The following TOX3 variants were observed in gnomAD, a reference collection of about 807,000 sequenced individuals.
TOX3 encodes TOX high mobility group box family member 3, also known as CAG trinucleotide repeat-containing gene F9 protein.
TOX3 carries 22 observed loss-of-function variants against 64.3 expected under a neutral mutation model. The observed-to-expected ratio is 0.34, with a 90% CI of 0.24 to 0.49. TOX3 has a LOEUF of 0.49. TOX3 is among the 20% of genes least tolerant of loss of function. TOX3 has a pLI of 0.99. For missense variants in TOX3, 661 were observed against 714.4 expected (o/e 0.93, Z 0.85); for synonymous variants, 291 against 273.6 (o/e 1.06, Z -0.63).
At chr16:52,525,921 C>T (rs751853875) in intron 1 of TOX3, among the ~76,000 whole-genome samples, 7 of 152,168 alleles carry the variant, frequency 4.6e-5, no homozygotes, top group Non-Finnish European at 1.0e-4. Context: ...AGTATGCCCA[C>T]AAAGAACTAA....
rs1320486492 is a variant in TOX3 at position 52,444,369 on chromosome 16, C to T, written c.907-13G>A. The T allele has an allele frequency of 6.5e-7, 1 of 1,542,374 alleles. No individual in the cohort carries two copies. ...TCCTTTTATATACCTATTAAAAGACCACAATTAGCACCACCTTTAGCGTAT... is the reference window on the plus strand; with the variant it reads ...TCCTTTTATATACCTATTAAAAGACTACAATTAGCACCACCTTTAGCGTAT... On this transcript the variant is annotated splice_polypyrimidine_tract_variant and intron_variant, in intron 5 of 6. Transcript: ENST00000219746.
rs145324346 is a variant in TOX3 at position 52,531,131 on chromosome 16, G to A, written c.87+15506C>T. Among the ~76,000 whole-genome samples, 656 of 152,230 alleles carry A rather than the reference G, an allele frequency of 4.3e-3. 6 individuals carry two copies. Among genetic ancestry groups the A allele is most frequent in the African/African-American group, 0.013 (531 of 41,536 alleles). On this transcript the variant is annotated intron_variant, in intron 1 of 6. Coordinates refer to ENST00000219746, the MANE Select transcript of TOX3 (RefSeq NM_001080430.4). Reference sequence around the variant, plus strand: ...AAAGCCAGGATTGGGGAGGATATTCGAAAAGTTATTAATGCAGACAGAGCA... The same window carrying A: ...AAAGCCAGGATTGGGGAGGATATTCAAAAAGTTATTAATGCAGACAGAGCA...
chr16:52,450,684 C>A, intron 3 of TOX3, 138 bp from the exon 4 acceptor site: 2 of 1,069,076 alleles, frequency 1.9e-6, no homozygotes, highest in Non-Finnish European at 2.6e-6. Context: ...TGATGGTCTC[C>A]GTTCATTTAT....
At chr16:52,522,076 T>C (rs1015758849) in intron 1 of TOX3, among the ~76,000 whole-genome samples, 2 of 152,210 alleles carry the variant, frequency 1.3e-5, no homozygotes, top group Non-Finnish European at 2.9e-5. Flanking sequence ...TTAATACAGA[T>C]AGAGTACTTA....
intron 1 of TOX3, among the ~76,000 whole-genome samples, chr16:52,537,309 C>T (rs765056711): frequency 7.9e-5 from 12 of 152,084 alleles, no homozygotes; most frequent in Non-Finnish European, 1.2e-4. Context: ...CATCTCCCAC[C>T]ATGGAAAGAG....
rs1359044582 is a variant in TOX3, at chr16:52,450,430, G to A, written c.525C>T (p.Thr175=). The part of the protein sequence containing the change: ...RSGVMPPAQL[T]TINQSQLSAQ... ...CGCTGAGCTGAGACTGGTTGATGGT[G>A]GTGAGCTGGGCAGGAGGCATGACCC... Residue 175 remains threonine (T), a synonymous_variant, in exon 4 of 7, where the codon ACC becomes ACT. Transcript: ENST00000219746. The A allele has an allele frequency of 2.5e-6, 4 of 1,613,930 alleles. No homozygotes were observed. Among genetic ancestry groups the A allele is most frequent in the South Asian group, 1.1e-5 (1 of 91,088 alleles).
chr16:52,485,256 A>ATATATATATATGTG (rs1555484156), intron 1 of TOX3, among the ~76,000 whole-genome samples: 15 of 145,532 alleles, frequency 1.0e-4, no homozygotes, highest in African/African-American at 3.7e-4. Context: ...GTATATATAT[A>ATATATATATATGTG]TATATATATA....
intron 1 of TOX3, among the ~76,000 whole-genome samples, chr16:52,509,376 C>G (rs1228390627): frequency 1.3e-5 from 2 of 152,166 alleles, no homozygotes; most frequent in East Asian, 3.8e-4. Context: ...ATGCATGAAC[C>G]TTTTAATTAG....
chr16:52,485,924 T>G (rs79900447), intron 1 of TOX3, among the ~76,000 whole-genome samples: 3,870 of 152,196 alleles, frequency 0.025, 134 homozygotes, highest in East Asian at 0.19. Context: ...GGGGCTGGCA[T>G]AACTGGATAT....
chr16:52,458,505 G>A (rs1960592655), intron 3 of TOX3, among the ~76,000 whole-genome samples: 1 of 152,126 alleles, frequency 6.6e-6, no homozygotes, highest in Non-Finnish European at 1.5e-5. Flanking sequence ...CCATCACTAA[G>A]TACTACAATA....
At chr16:52,465,812 G>A (rs1960847598) in intron 2 of TOX3, among the ~76,000 whole-genome samples, 1 of 152,182 alleles carries the variant, frequency 6.6e-6, no homozygotes. Flanking sequence ...AGCTATGGCA[G>A]TCTATGGTGG....
chr16:52,505,910 C>T (rs569994216), intron 1 of TOX3, among the ~76,000 whole-genome samples: 10 of 152,166 alleles, frequency 6.6e-5, no homozygotes, highest in Middle Eastern at 3.4e-3. Context: ...CAAGAGATGG[C>T]GGCTGTAGTG....
chr16:52,460,009 TAA>T (rs1312321053), intron 3 of TOX3, among the ~76,000 whole-genome samples: 1 of 152,172 alleles, frequency 6.6e-6, no homozygotes, highest in Non-Finnish European at 1.5e-5. Flanking sequence ...GATTATGACT[TAA>T]GAGTCTTATG....
chr16:52,440,295 AAG>A (rs2151737852), intron 6 of TOX3, among the ~76,000 whole-genome samples: 1 of 152,212 alleles, frequency 6.6e-6, no homozygotes, highest in East Asian at 1.9e-4. Flanking sequence ...TACCCCCCTC[AAG>A]AGTCAGTTCA....
chr16:52,492,564 A>AT, intron 1 of TOX3, among the ~76,000 whole-genome samples: 1 of 90,690 alleles, frequency 1.1e-5, no homozygotes, highest in Non-Finnish European at 2.1e-5. Flanking sequence ...GTTGTATATA[A>AT]ATATATATAT....
At chr16:52,476,605 T>A (rs1961215119) in intron 1 of TOX3, among the ~76,000 whole-genome samples, 1 of 152,048 alleles carries the variant, frequency 6.6e-6, no homozygotes, top group Admixed American at 6.6e-5. Context: ...GATCTCTGGT[T>A]CTCTTCGAAT....
Position 52,451,323 on chromosome 16 carries a change from G to A in TOX3, c.409-777C>T, listed in dbSNP as rs537908481. On this transcript the variant is annotated intron_variant, in intron 3 of 6. Coordinates refer to ENST00000219746, the MANE Select transcript of TOX3 (RefSeq NM_001080430.4). ...TACTAATGAATTTCTTCATAAATACGTAAAAAAAGATGGTAGAAACCATCA... is the reference window on the plus strand; with the variant it reads ...TACTAATGAATTTCTTCATAAATACATAAAAAAAGATGGTAGAAACCATCA... 7.2e-4 allele frequency among the ~76,000 whole-genome samples: 109 copies of A among 152,162 alleles called. 1 individual carries two copies. The highest frequency in any genetic ancestry group is 3.4e-3 in the Middle Eastern group (1 of 292).
intron 1 of TOX3, among the ~76,000 whole-genome samples, chr16:52,530,711 T>C (rs1042759905): frequency 6.6e-6 from 1 of 151,956 alleles, no homozygotes; most frequent in Non-Finnish European, 1.5e-5. Context: ...TACAACTGAA[T>C]GGTCTTTCTC....
chr16:52,485,002 T>C lies in TOX3; in HGVS notation c.88-16428A>G, dbSNP rs537107873. On this transcript the variant is annotated intron_variant, in intron 1 of 6. Transcript: ENST00000219746. Reference sequence around the variant, plus strand: ...GTCATGGAACCAACCTAAGTACATATAAGCAGCTAACTGGATAAAGAAAAT... The same window carrying C: ...GTCATGGAACCAACCTAAGTACATACAAGCAGCTAACTGGATAAAGAAAAT... 3.3e-5 allele frequency among the ~76,000 whole-genome samples: 5 copies of C among 151,560 alleles called. No homozygotes were observed. In the South Asian group the frequency reaches 1.0e-3, roughly 31 times the overall value.
Sources: gnomAD v4.1 joint callset for allele counts (sites outside exome capture counted in the v4.1 genomes callset) on GRCh38, gnomAD v4.1.1 for gene constraint, MANE v1.5 for transcripts, NCBI Gene and HGNC (gene_info 2026-07-23, HGNC 2026-07-21) for gene names.